The following PTPRR variants were observed in gnomAD, a reference collection of about 807,000 sequenced individuals.
PTPRR encodes the protein receptor-type tyrosine-protein phosphatase R.
In PTPRR, 38 loss-of-function variants were observed where a neutral mutation model predicts 77.2. That is an observed-to-expected ratio of 0.49 (90% CI 0.38 to 0.65). PTPRR has a LOEUF of 0.65. PTPRR is among the 30% of genes least tolerant of loss of function. The probability of loss-of-function intolerance (pLI) is 0.00; values close to 1 mark genes in which losing one functional copy is unlikely to be tolerated. For missense variants in PTPRR, 744 were observed against 799.2 expected, an observed-to-expected ratio of 0.93 and a Z score of 0.83; for synonymous variants, 299 against 283.1, an observed-to-expected ratio of 1.06 and a Z score of -0.57.
intron 1 of PTPRR, among the ~76,000 whole-genome samples, chr12:70,893,885 T>G (rs1565733420): frequency 6.6e-6 from 1 of 151,952 alleles, no homozygotes; most frequent in Non-Finnish European, 1.5e-5. Flanking sequence ...TTAAGTATCT[T>G]TGTTAGAGCA....
chr12:70,785,121 T>C (rs929252949), intron 2 of PTPRR, among the ~76,000 whole-genome samples: 1 of 152,224 alleles, frequency 6.6e-6, no homozygotes, highest in African/African-American at 2.4e-5. Context: ...TCCCTTCACA[T>C]TATGGCTTCT....
intron 8 of PTPRR, among the ~76,000 whole-genome samples, chr12:70,697,330 T>C (rs1408858896): frequency 6.6e-6 from 1 of 152,202 alleles, no homozygotes; most frequent in East Asian, 1.9e-4. Context: ...ATGTTAAACA[T>C]CTTTTAATAT....
chr12:70,821,235 T>TTTTTTTTTTTTTTTTTTTTTTTTTG (rs1892005525), intron 2 of PTPRR, among the ~76,000 whole-genome samples: 1 of 130,678 alleles, frequency 7.7e-6, no homozygotes, highest in Non-Finnish European at 1.6e-5. Context: ...TTTTTTTTTT[T>TTTTTTTTTTTTTTTTTTTTTTTTTG]TTTTTTTAGG....
At chr12:70,868,003 G>A (rs988718574) in intron 2 of PTPRR, among the ~76,000 whole-genome samples, 4 of 152,104 alleles carry the variant, frequency 2.6e-5, no homozygotes, top group Admixed American at 6.6e-5. Flanking sequence ...GCTGAAACTC[G>A]ATCCCTTCCT....
rs115835042 is a variant in PTPRR at position 70,666,385 on chromosome 12, A to G, written c.1498-3780T>C. Among the ~76,000 whole-genome samples, 712 of 152,212 alleles carry G rather than the reference A, an allele frequency of 4.7e-3. 10 individuals carry two copies. Among genetic ancestry groups the G allele is most frequent in the African/African-American group, 0.016 (675 of 41,542 alleles). On this transcript the variant is annotated intron_variant, in intron 10 of 13. Transcript: ENST00000283228. The stretch of plus-strand genomic sequence containing the variant: ...GGTTCACTCTCCTACTGAGCTCAGT[A>G]CTTCTGTTACCATCTTTTGATCTCT...
rs755710706 is a variant in PTPRR, at chr12:70,718,564, G to C, written c.1008-17241C>G. Among the ~76,000 whole-genome samples the C allele has an allele frequency of 2.6e-5, 4 of 152,032 alleles. No homozygotes were observed. In the South Asian group the frequency reaches 8.3e-4, roughly 32 times the overall value. ...CAGGTGTGAGCCACTATGCCTGGCCGGTCCACTGTTTTAAACACAAATACA... is the reference window on the plus strand; with the variant it reads ...CAGGTGTGAGCCACTATGCCTGGCCCGTCCACTGTTTTAAACACAAATACA... On this transcript the variant is annotated intron_variant, in intron 6 of 13. Transcript: ENST00000283228.
intron 2 of PTPRR, among the ~76,000 whole-genome samples, chr12:70,852,816 T>C (rs566583970): frequency 3.2e-4 from 48 of 152,322 alleles, no homozygotes; most frequent in African/African-American, 1.2e-3. Context: ...TTCTCCCCCC[T>C]TCTATTCTTT....
intron 2 of PTPRR, among the ~76,000 whole-genome samples, chr12:70,868,150 C>G (rs1892891623): frequency 1.3e-5 from 2 of 152,024 alleles, no homozygotes; most frequent in South Asian, 4.1e-4. Flanking sequence ...GTCCAAAACA[C>G]AAAAAGCAAT....
At chr12:70,743,924 T>G (rs1039854149) in intron 6 of PTPRR, among the ~76,000 whole-genome samples, 1 of 152,124 alleles carries the variant, frequency 6.6e-6, no homozygotes, top group Non-Finnish European at 1.5e-5. Context: ...TGCTTAGAAT[T>G]GGTAGTGCAT....
chr12:70,820,307 C>G (rs544699970), intron 2 of PTPRR, among the ~76,000 whole-genome samples: 15 of 152,268 alleles, frequency 9.9e-5, no homozygotes, highest in Admixed American at 8.5e-4. Flanking sequence ...AAACTTCAGA[C>G]AGGCTCCCCT....
Position 70,698,294 on chromosome 12 carries a change from G to A in PTPRR, c.1250C>T (p.Thr417Ile). The A allele has an allele frequency of 6.2e-7, 1 of 1,613,000 alleles. No homozygotes were observed. Among genetic ancestry groups the A allele is most frequent in the Non-Finnish European group, 8.5e-7 (1 of 1,179,362 alleles). ...PKEIDIPRHG[T>I]KNRYKTILPN... Reference sequence around the variant, plus strand: ...TAAAATGGTCTTATAGCGATTTTTAGTTCCATGACGCGGAATATCAATTTC... The same window carrying A: ...TAAAATGGTCTTATAGCGATTTTTAATTCCATGACGCGGAATATCAATTTC... Residue 417 changes from threonine (T) to isoleucine (I), a missense_variant, in exon 8 of 14, where the codon ACT (threonine) becomes ATT (isoleucine). By Grantham distance (89) the Thr-to-Ile change is moderately conservative. Coordinates refer to ENST00000283228, the MANE Select transcript of PTPRR (RefSeq NM_002849.4).
chr12:70,797,663 CTG>C (rs1391879214), intron 2 of PTPRR, among the ~76,000 whole-genome samples: 5 of 152,164 alleles, frequency 3.3e-5, no homozygotes, highest in Non-Finnish European at 7.3e-5. Flanking sequence ...CCAATAGACA[CTG>C]TGTGTCCTTA....
chr12:70,803,176 G>T (rs934962113), intron 2 of PTPRR, among the ~76,000 whole-genome samples: 2 of 152,156 alleles, frequency 1.3e-5, no homozygotes, highest in Non-Finnish European at 2.9e-5. Flanking sequence ...GAGCCAAATT[G>T]CTGGATTGTG....
At chr12:70,669,561 C>CACACACACAG (rs1887140159) in intron 10 of PTPRR, among the ~76,000 whole-genome samples, 1 of 141,526 alleles carries the variant, frequency 7.1e-6, no homozygotes, top group African/African-American at 2.6e-5. Flanking sequence ...ATATGTTATA[C>CACACACACAG]ACACACACAC....
At chr12:70,643,362 A>G (rs1370524951) in intron 13 of PTPRR, among the ~76,000 whole-genome samples, 3 of 151,542 alleles carry the variant, frequency 2.0e-5, no homozygotes, top group East Asian at 3.9e-4. Flanking sequence ...TAAGAGAGAG[A>G]GAGGGTTTTG....
intron 2 of PTPRR, among the ~76,000 whole-genome samples, chr12:70,779,289 G>C (rs974291366): frequency 6.6e-6 from 1 of 151,512 alleles, no homozygotes; most frequent in African/African-American, 2.4e-5. Flanking sequence ...GCTTTATCTG[G>C]CTCCTATTAA....
intron 2 of PTPRR, among the ~76,000 whole-genome samples, chr12:70,781,371 A>G (rs547917408): frequency 6.6e-6 from 1 of 152,354 alleles, no homozygotes; most frequent in African/African-American, 2.4e-5. Flanking sequence ...CAACAGAGCC[A>G]GATACTGCTG....
chr12:70,652,363 T>C (rs78544311), intron 13 of PTPRR, among the ~76,000 whole-genome samples: 4,721 of 152,236 alleles, frequency 0.031, 97 homozygotes, highest in Non-Finnish European at 0.046. Flanking sequence ...TCTGTTCTGC[T>C]TTTCATAACA....
At chr12:70,744,879 T>C (rs535260887) in intron 6 of PTPRR, among the ~76,000 whole-genome samples, 1 of 152,270 alleles carries the variant, frequency 6.6e-6, no homozygotes, top group South Asian at 2.1e-4. Context: ...AGCTTCTTAT[T>C]TTAAGAAACG....
Sources: allele counts gnomAD v4.1 joint callset (sites outside exome capture counted in the v4.1 genomes callset), GRCh38; gene constraint gnomAD v4.1.1; transcripts MANE v1.5; gene names NCBI Gene and HGNC (gene_info 2026-07-23, HGNC 2026-07-21).